The following WDPCP variants were observed in gnomAD, a reference collection of about 807,000 sequenced individuals.
WDPCP encodes WD repeat-containing and planar cell polarity effector protein fritz homolog.
Under a neutral mutation model 93.1 loss-of-function variants are expected in WDPCP, and 71 were observed. The ratio of observed to expected loss-of-function variants is 0.76; its 90% confidence interval spans 0.63 to 0.93. WDPCP has a LOEUF of 0.93. Among genes scored for constraint, WDPCP ranks in the 40% least tolerant of loss-of-function variants. The pLI, the probability that WDPCP is intolerant of heterozygous loss-of-function variation, is 0.00. For missense variants in WDPCP, 844 were observed against 887.4 expected, an observed-to-expected ratio of 0.95 and a Z score of 0.62; for synonymous variants, 315 against 315.0, an observed-to-expected ratio of 1.00 and a Z score of 0.00.
At chr2:63,505,642 G>T (rs1299774632) in intron 1 of WDPCP, among the ~76,000 whole-genome samples, 1 of 151,976 alleles carries the variant, frequency 6.6e-6, no homozygotes, top group African/African-American at 2.4e-5. Flanking sequence ...GCAAATAACT[G>T]TTCAATAAAT....
At chr2:63,402,682 G>A (rs569213458) in intron 10 of WDPCP, among the ~76,000 whole-genome samples, 67 of 152,132 alleles carry the variant, frequency 4.4e-4, no homozygotes, top group East Asian at 1.5e-3. Context: ...TTGCTCTGTC[G>A]CCCAGGCTGG....
intron 1 of WDPCP, among the ~76,000 whole-genome samples, chr2:63,546,958 G>T (rs947536991): frequency 9.9e-5 from 15 of 151,640 alleles, no homozygotes; most frequent in African/African-American, 3.1e-4. Flanking sequence ...AAATAAACTA[G>T]AAATGAAAAA....
chr2:63,825,336 G>A (rs1473691618), intron 1 of WDPCP, among the ~76,000 whole-genome samples: 1 of 152,066 alleles, frequency 6.6e-6, no homozygotes, highest in Non-Finnish European at 1.5e-5. Flanking sequence ...TATTCATTAC[G>A]GTGATATCTT....
chr2:63,179,665 T>C (rs4671461), intron 14 of WDPCP, among the ~76,000 whole-genome samples: 23,607 of 152,020 alleles, frequency 0.16, 2,442 homozygotes, highest in Non-Finnish European at 0.2. Context: ...TATTCCTTTA[T>C]AGCAATCCAA....
rs886056226 is a variant in WDPCP at position 63,588,380 on chromosome 2, C to G, written c.-109G>C. On this transcript the variant is annotated 5_prime_UTR_variant, in exon 1 of 18. Coordinates refer to ENST00000272321, the MANE Select transcript of WDPCP (RefSeq NM_015910.7). The stretch of plus-strand genomic sequence containing the variant: ...GTCTCCAGGACGCCGCCGCCGCCGC[C>G]ACAGTTTCCTCAGGTGCTACAAAGC... 88 of 1,298,828 alleles carry G rather than the reference C, an allele frequency of 6.8e-5. 1 individual carries two copies. The Admixed American group carries it at 1.2e-3, about 17-fold the overall frequency. The allele number at this position is 1,298,828 out of a possible 1,614,324, so 80.5% of individuals were successfully genotyped here.
chr2:63,256,840 T>C (rs1681193960), intron 14 of WDPCP, among the ~76,000 whole-genome samples: 1 of 152,118 alleles, frequency 6.6e-6, no homozygotes, highest in Admixed American at 6.6e-5. Context: ...CAAAAGAATA[T>C]AGGTATGAAT....
chr2:63,532,665 A>AT (rs1703948663), intron 1 of WDPCP, among the ~76,000 whole-genome samples: 1 of 152,192 alleles, frequency 6.6e-6, no homozygotes, highest in African/African-American at 2.4e-5. Flanking sequence ...ATGCTGAGAG[A>AT]TTTTGTCACC....
Position 63,382,067 on chromosome 2 carries a change from A to T in WDPCP, c.1463T>A (p.Leu488Gln), listed in dbSNP as rs1558548806. ...LGVFTRGQLGLIDIIFQYIHC... is the reference protein window; with the variant it reads ...LGVFTRGQLGQIDIIFQYIHC... ...AATGTACTGGAAGATGATGTCTATC[A>T]GGCCCAGCTGTCCTCGAGTGAAGAC... The change falls in exon 11 of 18, where the codon CTG (leucine) becomes CAG (glutamine). Residue 488 changes from leucine (L) to glutamine (Q), a missense_variant. Leu to Gln is a moderately radical substitution (Grantham distance 113). Coordinates refer to ENST00000272321, the MANE Select transcript of WDPCP (RefSeq NM_015910.7). The T allele has an allele frequency of 1.2e-6, 2 of 1,613,210 alleles. No individual in the cohort carries two copies. Among genetic ancestry groups the T allele is most frequent in the Non-Finnish European group, 1.7e-6 (2 of 1,179,628 alleles).
chr2:63,220,048 C>A (rs561848321), intron 14 of WDPCP, among the ~76,000 whole-genome samples: 3 of 152,034 alleles, frequency 2.0e-5, no homozygotes, highest in African/African-American at 7.2e-5. Flanking sequence ...ACACAACAAA[C>A]AACAAAAGCC....
intron 2 of WDPCP, among the ~76,000 whole-genome samples, chr2:63,797,228 T>C (rs951631602): frequency 1.4e-4 from 21 of 152,160 alleles, no homozygotes; most frequent in Non-Finnish European, 2.5e-4. Context: ...CTCAGAGCTG[T>C]GCTGGCTTCA....
intron 2 of WDPCP, among the ~76,000 whole-genome samples, chr2:63,703,778 T>G (rs546510820): frequency 6.6e-6 from 1 of 152,208 alleles, no homozygotes; most frequent in Admixed American, 6.5e-5. Context: ...GACTTGGCAA[T>G]GTGGACTCTT....
intron 2 of WDPCP, among the ~76,000 whole-genome samples, chr2:63,699,812 T>C (rs1216155092): frequency 6.6e-6 from 1 of 152,124 alleles, no homozygotes; most frequent in African/African-American, 2.4e-5. Flanking sequence ...CAAAGGTCTT[T>C]TAAAAAAATG....
At chr2:63,588,972 C>G (rs941617400), upstream of WDPCP, 22 of 1,610,502 alleles carry the variant, frequency 1.4e-5, no homozygotes, top group East Asian at 2.2e-5. Flanking sequence ...CGAGTCAGTT[C>G]CGCGGTAGAG....
At chr2:63,315,627 ATATT>A (rs954972740) in intron 12 of WDPCP, among the ~76,000 whole-genome samples, 44 of 152,326 alleles carry the variant, frequency 2.9e-4, no homozygotes, top group African/African-American at 1.1e-3. Context: ...TCAATATAAA[ATATT>A]TAAAGAAATG....
chr2:63,247,211 CA>C (rs1216459498), intron 14 of WDPCP, among the ~76,000 whole-genome samples: 1 of 152,150 alleles, frequency 6.6e-6, no homozygotes, highest in African/African-American at 2.4e-5. Flanking sequence ...ATGCCCTATG[CA>C]GTAATCTTTT....
At chr2:63,145,395 G>A (rs1474642433) in intron 17 of WDPCP, among the ~76,000 whole-genome samples, 1 of 152,114 alleles carries the variant, frequency 6.6e-6, no homozygotes, top group African/African-American at 2.4e-5. Flanking sequence ...GGCTAGGCAT[G>A]TCTGAGCTCA....
intron 2 of WDPCP, among the ~76,000 whole-genome samples, chr2:63,675,359 C>A (rs1710392127): frequency 6.6e-6 from 1 of 152,192 alleles, no homozygotes; most frequent in Non-Finnish European, 1.5e-5. Flanking sequence ...GTGTTTCTAT[C>A]ATACTCTCTC....
chr2:63,388,691 G>T (rs1017303963), intron 10 of WDPCP, among the ~76,000 whole-genome samples: 6 of 152,166 alleles, frequency 3.9e-5, no homozygotes, highest in Non-Finnish European at 7.3e-5. Context: ...AAACAGTGTA[G>T]AGAAGAACAT....
chr2:63,534,587 T>A (rs183406949), intron 1 of WDPCP, among the ~76,000 whole-genome samples: 2 of 152,276 alleles, frequency 1.3e-5, no homozygotes, highest in East Asian at 1.9e-4. Flanking sequence ...ATCCATCATA[T>A]AAACAGAAAC....
Sources: gnomAD v4.1 joint callset for allele counts (sites outside exome capture counted in the v4.1 genomes callset) on GRCh38, gnomAD v4.1.1 for gene constraint, MANE v1.5 for transcripts, NCBI Gene and HGNC (gene_info 2026-07-23, HGNC 2026-07-21) for gene names.